Variants in WWC1 observed in about 807,000 individuals in gnomAD.
WWC1 encodes WW and C2 domain containing 1.
WWC1 carries 55 observed loss-of-function variants against 138.4 expected under a neutral mutation model. That is an observed-to-expected ratio of 0.40 (90% CI 0.32 to 0.50). The LOEUF (loss-of-function observed/expected upper bound fraction) is 0.50. Ranked by LOEUF, WWC1 falls within the 20% of genes least tolerant of loss-of-function variation. The pLI, the probability that WWC1 is intolerant of heterozygous loss-of-function variation, is 0.72. For missense variants in WWC1, 1,226 were observed against 1,420.4 expected (o/e 0.86, Z 2.20); for synonymous variants, 524 against 564.9 (o/e 0.93, Z 1.03).
At chr5:168,342,847 T>C (rs1027142388) in intron 1 of WWC1, among the ~76,000 whole-genome samples, 2 of 152,084 alleles carry the variant, frequency 1.3e-5, no homozygotes, top group African/African-American at 4.8e-5. Context: ...TGTGGACGGA[T>C]TGAGAGCACA....
At chr5:168,294,001 G>A (rs1182684250) in intron 1 of WWC1, among the ~76,000 whole-genome samples, 1 of 152,122 alleles carries the variant, frequency 6.6e-6, no homozygotes, top group Non-Finnish European at 1.5e-5. Context: ...ACAGACACAA[G>A]TTCAAACATA....
intron 1 of WWC1, among the ~76,000 whole-genome samples, chr5:168,294,796 T>C (rs1317197967): frequency 3.9e-5 from 6 of 152,082 alleles, no homozygotes; most frequent in Admixed American, 6.5e-5. Context: ...CAGCCAATTT[T>C]TTGTATTTTA....
chr5:168,351,109 G>A (rs1029730935), intron 1 of WWC1, among the ~76,000 whole-genome samples: 3 of 151,326 alleles, frequency 2.0e-5, no homozygotes, highest in East Asian at 1.9e-4. Context: ...ATCACGCCAC[G>A]GCACTGGAGC....
chr5:168,419,342 G>C (rs570568375), intron 9 of WWC1, among the ~76,000 whole-genome samples: 4 of 124,220 alleles, frequency 3.2e-5, no homozygotes, highest in African/African-American at 1.5e-4. Flanking sequence ...TTTCAGCAGA[G>C]CTCATAAACT....
At chr5:168,446,046 G>A (rs1755231419) in intron 17 of WWC1, among the ~76,000 whole-genome samples, 1 of 152,042 alleles carries the variant, frequency 6.6e-6, no homozygotes, top group African/African-American at 2.4e-5. Context: ...GGAGAATGAG[G>A]TCTGTTATTT....
chr5:168,414,199 A>G (rs948031857), intron 8 of WWC1, 149 bp from the exon 9 acceptor site: 13 of 1,221,860 alleles, frequency 1.1e-5, no homozygotes, highest in African/African-American at 6.2e-5. Context: ...GTTTGTTTAG[A>G]AAAAAAATAG....
intron 1 of WWC1, among the ~76,000 whole-genome samples, chr5:168,345,254 A>C (rs567802878): frequency 6.6e-6 from 1 of 152,184 alleles, no homozygotes; most frequent in Admixed American, 6.5e-5. Context: ...ACAGGCATGC[A>C]CCACCATGCC....
rs147829181 is a variant in WWC1 at position 168,441,793 on chromosome 5, C to T, written c.2392C>T (p.Pro798Ser). The T allele has an allele frequency of 7.4e-5, 119 of 1,614,120 alleles. No individual in the cohort carries two copies. In the African/African-American group the frequency reaches 1.4e-3, roughly 19 times the overall value. Residue 798 changes from proline (P) to serine (S), a missense_variant, in exon 16 of 23, where the codon CCA becomes TCA. By Grantham distance (74) the Pro-to-Ser change is moderately conservative. Around this residue, in one of 3 missense-constraint regions of WWC1, gnomAD observed 1,016 missense variants for 1,153.9 expected, o/e 0.88. Transcript: ENST00000265293. ...GAAGAAACAGAGCAGGGAGCTCAAG[C>T]CAGTGGGAGTCATGGCCCCTGCCTC... ...YLKKQSRELK[P>S]VGVMAPASGP...
chr5:168,468,908 G>A (rs368251028), intron 22 of WWC1, 43 bp from the exon 23 acceptor site: 91 of 1,597,222 alleles, frequency 5.7e-5, no homozygotes, highest in South Asian at 2.6e-4. Flanking sequence ...TCTGTAGAGC[G>A]AGGTTGAAAA....
intron 1 of WWC1, among the ~76,000 whole-genome samples, chr5:168,334,374 G>T (rs1039353771): frequency 6.6e-6 from 1 of 152,068 alleles, no homozygotes; most frequent in Non-Finnish European, 1.5e-5. Flanking sequence ...AACAGGTCTC[G>T]AGAGACATTG....
In WWC1 at chr5:168,399,465, G is replaced by A. The variant is rs1317715494; in HGVS notation, c.511-23G>A. ...TGGTGTCAGCCTCTGACCCAGCCCTGTGTGTGGTCTGCTGCCCTCCAGGTC... is the reference window on the plus strand; with the variant it reads ...TGGTGTCAGCCTCTGACCCAGCCCTATGTGTGGTCTGCTGCCCTCCAGGTC... On this transcript the variant is annotated intron_variant, in intron 4 of 22. Coordinates refer to ENST00000265293, the MANE Select transcript of WWC1 (RefSeq NM_015238.3). The A allele has an allele frequency of 5.0e-6, 8 of 1,613,868 alleles. No homozygotes were observed. In the Admixed American group the frequency reaches 8.3e-5, roughly 17 times the overall value.
intron 1 of WWC1, among the ~76,000 whole-genome samples, chr5:168,366,626 C>G (rs978471489): frequency 6.6e-6 from 1 of 151,930 alleles, no homozygotes; most frequent in African/African-American, 2.4e-5. Context: ...ATGCTTGGAG[C>G]GAATAAATGT....
rs147699424 is a variant in WWC1 at position 168,375,923 on chromosome 5, A to G, written c.229+4390A>G. ...TAAGCCATTTTTACTATTTCATGTC[A>G]GTATTCAGTATCCCCGATTATCTAC... is the stretch of plus-strand genomic sequence containing the variant. On this transcript the variant is annotated intron_variant, in intron 2 of 22. Coordinates refer to ENST00000265293, the MANE Select transcript of WWC1 (RefSeq NM_015238.3). Among the ~76,000 whole-genome samples the G allele has an allele frequency of 7.3e-4, 111 of 152,050 alleles. No individual in the cohort carries two copies. In the East Asian group the frequency reaches 0.017, roughly 24 times the overall value.
chr5:168,446,595 T>A (rs966532383), intron 17 of WWC1, among the ~76,000 whole-genome samples: 2 of 152,194 alleles, frequency 1.3e-5, no homozygotes, highest in African/African-American at 4.8e-5. Flanking sequence ...CCTCTGTAAC[T>A]AGCACCAAAT....
chr5:168,458,614 G>A (rs1294501544), intron 19 of WWC1, among the ~76,000 whole-genome samples: 3 of 152,160 alleles, frequency 2.0e-5, no homozygotes, highest in Non-Finnish European at 2.9e-5. Flanking sequence ...TTTGTGGGTT[G>A]ATTGACTTTG....
At chr5:168,409,466 T>G (rs375862574) in intron 7 of WWC1, among the ~76,000 whole-genome samples, 10 of 152,208 alleles carry the variant, frequency 6.6e-5, no homozygotes, top group Admixed American at 5.9e-4. Context: ...ACTGTACCCC[T>G]CTTTGTGAGT....
chr5:168,294,689 C>T (rs924209507), intron 1 of WWC1, among the ~76,000 whole-genome samples: 3 of 152,046 alleles, frequency 2.0e-5, no homozygotes, highest in Non-Finnish European at 2.9e-5. Context: ...TCCAGTGGTG[C>T]GATCTTGGCT....
chr5:168,318,222 TAA>T (rs779598478), intron 1 of WWC1, among the ~76,000 whole-genome samples: 7 of 152,202 alleles, frequency 4.6e-5, no homozygotes, highest in Non-Finnish European at 8.8e-5. Flanking sequence ...CAATTTTTTA[TAA>T]GATTGTATAA....
intron 2 of WWC1, among the ~76,000 whole-genome samples, chr5:168,383,550 G>A (rs1004574344): frequency 6.6e-6 from 1 of 152,192 alleles, no homozygotes; most frequent in Non-Finnish European, 1.5e-5. Context: ...CCCCGGGCTA[G>A]GCATATGACA....
Sources: gnomAD v4.1 joint callset for allele counts (sites outside exome capture counted in the v4.1 genomes callset) on GRCh38, gnomAD v4.1.1 for gene constraint, gnomAD v4.1.1 regional missense constraint, MANE v1.5 for transcripts, NCBI Gene and HGNC (gene_info 2026-07-23, HGNC 2026-07-21) for gene names.